The following MPP7 variants were observed in gnomAD, a reference collection of about 807,000 sequenced individuals.
MPP7 encodes the protein MAGUK p55 subfamily member 7.
A neutral mutation model predicts 76.5 loss-of-function variants in MPP7; 60 were observed. The observed-to-expected ratio is 0.78, with a 90% CI of 0.64 to 0.97. The LOEUF (loss-of-function observed/expected upper bound fraction) is 0.97. Among genes scored for constraint, MPP7 ranks in the 50% least tolerant of loss-of-function variants. The probability of loss-of-function intolerance (pLI) is 0.00; values close to 1 mark genes in which losing one functional copy is unlikely to be tolerated. For missense variants in MPP7, 641 were observed against 694.0 expected (o/e 0.92, Z 0.86); for synonymous variants, 237 against 244.5 (o/e 0.97, Z 0.29).
chr10:28,091,596 C>A (rs958731292), intron 11 of MPP7, among the ~76,000 whole-genome samples: 3 of 152,104 alleles, frequency 2.0e-5, no homozygotes, highest in Admixed American at 1.3e-4. Context: ...CCATAGATAT[C>A]TTTTTTATAA....
chr10:28,262,277 A>ATTTT (rs1195166638), intron 1 of MPP7, among the ~76,000 whole-genome samples: 3 of 54,332 alleles, frequency 5.5e-5, no homozygotes, highest in African/African-American at 2.5e-4. Flanking sequence ...ATATATATAT[A>ATTTT]TTTTTTTTTT....
chr10:28,292,707 G>A (rs972311922), intron 1 of MPP7, among the ~76,000 whole-genome samples: 25 of 152,248 alleles, frequency 1.6e-4, no homozygotes, highest in African/African-American at 6.0e-4. Flanking sequence ...TAACACAGGA[G>A]GGAGTCATTC....
intron 2 of MPP7, among the ~76,000 whole-genome samples, chr10:28,223,513 T>C (rs188044865): frequency 6.6e-6 from 1 of 152,318 alleles, no homozygotes; most frequent in Admixed American, 6.5e-5. Flanking sequence ...ATACAAGTAC[T>C]GTAGAGATTA....
rs1048003766 is a variant in MPP7, at chr10:28,333,320, A to G, written c.-206+1098T>C. Among the ~76,000 whole-genome samples, 6 of 151,898 alleles carry G rather than the reference A, an allele frequency of 4.0e-5. No individual in the cohort carries two copies. In the East Asian group the frequency reaches 1.2e-3, roughly 29 times the overall value. ...GCCACCACACCCAGCTAATTTTTGTATTTTTAGTAGAGACAGGGTTTTGCC... is the reference window on the plus strand; with the variant it reads ...GCCACCACACCCAGCTAATTTTTGTGTTTTTAGTAGAGACAGGGTTTTGCC... On this transcript the variant is annotated intron_variant, in intron 1 of 11. Transcript: ENST00000441595.
chr10:28,059,525 T>G (rs992848302), intron 14 of MPP7, 125 bp downstream of exon 14: 1 of 594,876 alleles, frequency 1.7e-6, no homozygotes, highest in Non-Finnish European at 2.9e-6. Context: ...CCTTTTCATC[T>G]GTTTCAAATA....
At chr10:28,328,053 A>G (rs1177513972) in intron 2 of MPP7, among the ~76,000 whole-genome samples, 1 of 152,206 alleles carries the variant, frequency 6.6e-6, no homozygotes, top group African/African-American at 2.4e-5. Context: ...TTCTGTGCTG[A>G]GAACCATGAA....
At chr10:28,104,414 T>C (rs1467223827) in intron 11 of MPP7, among the ~76,000 whole-genome samples, 22 of 152,196 alleles carry the variant, frequency 1.4e-4, no homozygotes. Context: ...AATACATATG[T>C]TTACCATAGA....
chr10:28,215,370 T>C (rs1279460163), intron 2 of MPP7, among the ~76,000 whole-genome samples: 2 of 152,180 alleles, frequency 1.3e-5, no homozygotes, highest in Non-Finnish European at 2.9e-5. Flanking sequence ...CACAAGTTTT[T>C]TCCCCAGTGT....
chr10:28,179,183 AC>A (rs1836977677), intron 3 of MPP7, among the ~76,000 whole-genome samples: 2 of 152,162 alleles, frequency 1.3e-5, no homozygotes, highest in Admixed American at 1.3e-4. Context: ...CAACACACTC[AC>A]ACTGGTTAAT....
intron 2 of MPP7, among the ~76,000 whole-genome samples, chr10:28,320,849 C>T (rs1144515): frequency 0.56 from 84,603 of 150,844 alleles, 25,412 homozygotes; most frequent in African/African-American, 0.79. Context: ...TTTTGTTCCT[C>T]TGCAGTGGTT....
intron 1 of MPP7, among the ~76,000 whole-genome samples, chr10:28,299,487 C>G (rs1841103566): frequency 6.6e-6 from 1 of 152,044 alleles, no homozygotes; most frequent in Non-Finnish European, 1.5e-5. Context: ...ATCGTAACAT[C>G]AAAGATCACT....
chr10:28,056,774 T>C (rs1851575126), intron 15 of MPP7, 151 bp from the exon 16 acceptor site: 2 of 624,246 alleles, frequency 3.2e-6, no homozygotes, highest in East Asian at 3.5e-5. Context: ...GACAATTAAA[T>C]GTAACAAACA....
chr10:28,314,362 C>T (rs183136107), intron 2 of MPP7, among the ~76,000 whole-genome samples: 92 of 152,278 alleles, frequency 6.0e-4, no homozygotes, highest in Non-Finnish European at 7.6e-4. Context: ...TCCAGTGTAA[C>T]ATAAGGATTA....
intron 1 of MPP7, among the ~76,000 whole-genome samples, chr10:28,272,021 G>A (rs7073266): frequency 0.15 from 22,614 of 151,928 alleles, 1,757 homozygotes; most frequent in South Asian, 0.19. Flanking sequence ...AAGGATGCAT[G>A]TTTGAATAAA....
intron 8 of MPP7, among the ~76,000 whole-genome samples, chr10:28,123,631 G>A (rs906163678): frequency 1.3e-5 from 2 of 151,906 alleles, no homozygotes; most frequent in South Asian, 2.1e-4. Flanking sequence ...ACCACGTGCA[G>A]CTAATTTTGT....
chr10:28,112,936 C>T (rs1352068485), intron 11 of MPP7, among the ~76,000 whole-genome samples: 1 of 152,184 alleles, frequency 6.6e-6, no homozygotes, highest in Non-Finnish European at 1.5e-5. Context: ...AGAAACAGGG[C>T]TTAGTCGCCC....
chr10:28,052,324 T>C lies in MPP7; in HGVS notation c.*1741A>G, dbSNP rs1205478831. 6.6e-6 allele frequency: 1 copy of C among 152,218 alleles called. No homozygotes were observed. The allele number at this position is 152,218 out of a possible 1,614,324, so 9.4% of individuals were successfully genotyped here. On this transcript the variant is annotated 3_prime_UTR_variant, in exon 17 of 17. Coordinates refer to ENST00000683449, the MANE Select transcript of MPP7 (RefSeq NM_001318170.2). ...CTTCAGGTTGGCAACCCTCCCTCTT[T>C]CATTTTTTAAAAACAAAATTTTTTG...
intron 2 of MPP7, among the ~76,000 whole-genome samples, chr10:28,214,370 A>G (rs1838241594): frequency 6.6e-6 from 1 of 152,228 alleles, no homozygotes; most frequent in Non-Finnish European, 1.5e-5. Flanking sequence ...ACTACCTGAA[A>G]GATGAAAGAA....
chr10:28,149,891 G>T, intron 4 of MPP7, 91 bp downstream of exon 4: 1 of 830,834 alleles, frequency 1.2e-6, no homozygotes, highest in Non-Finnish European at 1.9e-6. Flanking sequence ...TCACTCATAG[G>T]ATCACACGCA....
Sources: gnomAD v4.1 joint callset for allele counts (sites outside exome capture counted in the v4.1 genomes callset) on GRCh38, gnomAD v4.1.1 for gene constraint, MANE v1.5 for transcripts, NCBI Gene and HGNC (gene_info 2026-07-23, HGNC 2026-07-21) for gene names.